TTLL4: variants seen among roughly 807,000 people sequenced by gnomAD.
The protein encoded by TTLL4 is tubulin monoglutamylase TTLL4.
A neutral mutation model predicts 122.7 loss-of-function variants in TTLL4; 85 were observed. The observed-to-expected ratio is 0.69, with a 90% CI of 0.58 to 0.83. The LOEUF is 0.83. Among genes scored for constraint, TTLL4 ranks in the 40% least tolerant of loss-of-function variants. The probability of loss-of-function intolerance (pLI) is 0.00; values close to 1 mark genes in which losing one functional copy is unlikely to be tolerated. For missense variants in TTLL4, 1,363 were observed against 1,488.6 expected (o/e 0.92, Z 1.39); for synonymous variants, 553 against 563.0 (o/e 0.98, Z 0.25).
At chr2:218,712,978 T>C (rs1941757206) in intron 1 of TTLL4, among the ~76,000 whole-genome samples, 1 of 152,250 alleles carries the variant, frequency 6.6e-6, no homozygotes, top group African/African-American at 2.4e-5. Context: ...GTAACGGGAA[T>C]GTCTTTTGGG....
intron 2 of TTLL4, among the ~76,000 whole-genome samples, chr2:218,732,518 T>G (rs939732153): frequency 6.6e-6 from 1 of 152,178 alleles, no homozygotes; most frequent in Non-Finnish European, 1.5e-5. Flanking sequence ...TTGATGACTT[T>G]GCTGAAAATT....
At position 218,737,854 on chromosome 2, in the gene TTLL4, G is replaced by A; in HGVS notation, c.178G>A (p.Val60Met). The A allele has an allele frequency of 1.2e-6, 2 of 1,614,266 alleles. No homozygotes were observed. Among genetic ancestry groups the A allele is most frequent in the Non-Finnish European group, 1.7e-6 (2 of 1,180,044 alleles). ...KPIWKLEKKQ[V>M]ETLSAGLGPG... Reference sequence around the variant, plus strand: ...AATCTGGAAGCTGGAAAAGAAGCAAGTGGAGACACTGTCAGCAGGGTTGGG... The same window carrying A: ...AATCTGGAAGCTGGAAAAGAAGCAAATGGAGACACTGTCAGCAGGGTTGGG... The change falls in exon 3 of 20, where the codon GTG becomes ATG. Residue 60 changes from valine to methionine, a missense_variant. Val to Met is a conservative substitution (Grantham distance 21). Around this residue, in one of 3 missense-constraint regions of TTLL4, gnomAD observed 760 missense variants for 808.4 expected, o/e 0.94. Transcript: ENST00000392102.
chr2:218,729,621 T>C (rs1485325529), intron 2 of TTLL4, among the ~76,000 whole-genome samples: 2 of 152,220 alleles, frequency 1.3e-5, no homozygotes, highest in African/African-American at 4.8e-5. Flanking sequence ...TTGTTGCTAG[T>C]ATGTAGAACT....
intron 16 of TTLL4, 89 bp from the exon 17 acceptor site, chr2:218,752,674 G>T: frequency 7.1e-7 from 1 of 1,409,190 alleles, no homozygotes; most frequent in East Asian, 2.3e-5. Flanking sequence ...GGACCCCAGG[G>T]GTGTGCTCCC....
chr2:218,737,468 G>A, intron 2 of TTLL4, 111 bp from the exon 3 acceptor site: 1 of 520,326 alleles, frequency 1.9e-6, no homozygotes, highest in Non-Finnish European at 3.3e-6. Flanking sequence ...GACCAAGACT[G>A]GTTGCCCAAA....
At position 218,739,170 on chromosome 2, in the gene TTLL4, T is replaced by C; in HGVS notation, c.1487+7T>C. The C allele has an allele frequency of 6.2e-7, 1 of 1,605,486 alleles. No individual in the cohort carries two copies. The highest frequency in any genetic ancestry group is 1.1e-5 in the South Asian group (1 of 90,654). ...CATCTGATAGGGATATTAGGTATGT[T>C]GGCAATGTTTTTGGTTCATTTAGAG... On this transcript the variant is annotated splice_region_variant and intron_variant, in intron 3 of 19. Coordinates refer to ENST00000392102, the MANE Select transcript of TTLL4 (RefSeq NM_014640.5).
chr2:218,742,222 AGCC>A (rs1162527467), intron 5 of TTLL4, among the ~76,000 whole-genome samples: 4 of 152,192 alleles, frequency 2.6e-5, no homozygotes, highest in African/African-American at 9.7e-5. Flanking sequence ...CTCTTGCTTT[AGCC>A]TCCCAAAGCA....
intron 2 of TTLL4, among the ~76,000 whole-genome samples, chr2:218,727,751 A>C (rs1351683256): frequency 2.0e-5 from 3 of 152,166 alleles, no homozygotes; most frequent in African/African-American, 7.2e-5. Context: ...GTCTCAAAAA[A>C]AAACAAACAA....
chr2:218,740,816 G>A (rs148485526), intron 5 of TTLL4, among the ~76,000 whole-genome samples: 189 of 152,254 alleles, frequency 1.2e-3, no homozygotes, highest in African/African-American at 4.4e-3. Flanking sequence ...GCTCACACCT[G>A]TAACCCCAGC....
intron 16 of TTLL4, 81 bp downstream of exon 16, chr2:218,751,887 C>CTTTT (rs72027596): frequency 0.01 from 4,664 of 454,152 alleles, 26 homozygotes; most frequent in Non-Finnish European, 0.013. Flanking sequence ...AACAGCTTTT[C>CTTTT]TTTTTTTTTT....
At chr2:218,728,950 G>C (rs530001263) in intron 2 of TTLL4, among the ~76,000 whole-genome samples, 70 of 148,880 alleles carry the variant, frequency 4.7e-4, no homozygotes, top group African/African-American at 1.3e-3. Context: ...TTGGCGGGGG[G>C]GGGCATAGTT....
rs369333928 is a variant in TTLL4 at position 218,746,151 on chromosome 2, A to G, written c.1898-4A>G. On this transcript the variant is annotated splice_region_variant and splice_polypyrimidine_tract_variant and intron_variant, in intron 7 of 19. Coordinates refer to ENST00000392102, the MANE Select transcript of TTLL4 (RefSeq NM_014640.5). ...AAGGCTGATTCCTGATGTACCTCCC[A>G]TAGGAAACGATGACTGGCTGGGCTG... 127 of 1,614,034 alleles carry G rather than the reference A, an allele frequency of 7.9e-5. No homozygotes were observed. The highest frequency in any genetic ancestry group is 1.0e-4 in the Non-Finnish European group (123 of 1,180,038).
chr2:218,727,478 A>G (rs1575164012), intron 2 of TTLL4, 131 bp downstream of exon 2: 1 of 152,106 alleles, frequency 6.6e-6, no homozygotes, highest in African/African-American at 2.4e-5. Context: ...AAGTTTCCTT[A>G]TAACTGCTAT....
intron 1 of TTLL4, among the ~76,000 whole-genome samples, chr2:218,721,845 A>T (rs1476438006): frequency 6.6e-6 from 1 of 152,210 alleles, no homozygotes; most frequent in African/African-American, 2.4e-5. Flanking sequence ...TAAAATAGCC[A>T]GGCCCAGTGG....
chr2:218,758,623 A>G (rs555642034), downstream of TTLL4, among the ~76,000 whole-genome samples: 8 of 152,356 alleles, frequency 5.3e-5, no homozygotes, highest in African/African-American at 1.7e-4. Context: ...ATTAGCAGTC[A>G]GAGAAGAGCA....
intron 15 of TTLL4, among the ~76,000 whole-genome samples, chr2:218,750,766 T>A (rs979035806): frequency 1.6e-4 from 24 of 152,114 alleles, no homozygotes; most frequent in African/African-American, 5.8e-4. Flanking sequence ...GCTTATGGAG[T>A]TTCTCCCTCC....
At chr2:218,727,776 T>C (rs1210661739) in intron 2 of TTLL4, among the ~76,000 whole-genome samples, 3 of 152,270 alleles carry the variant, frequency 2.0e-5, no homozygotes. Context: ...ACCCTGCTAT[T>C]CTGAGTTCCT....
chr2:218,715,523 G>C (rs1452592866), intron 1 of TTLL4, among the ~76,000 whole-genome samples: 2 of 152,188 alleles, frequency 1.3e-5, no homozygotes, highest in African/African-American at 4.8e-5. Flanking sequence ...AACCTGAACA[G>C]CATGTCACCA....
chr2:218,734,260 C>T (rs1205939568), intron 2 of TTLL4, among the ~76,000 whole-genome samples: 1 of 152,160 alleles, frequency 6.6e-6, no homozygotes, highest in African/African-American at 2.4e-5. Flanking sequence ...AAATGCCTAG[C>T]ATGGTACCAG....
Sources: gnomAD v4.1 joint callset for allele counts (sites outside exome capture counted in the v4.1 genomes callset) on GRCh38, gnomAD v4.1.1 for gene constraint, gnomAD v4.1.1 regional missense constraint, MANE v1.5 for transcripts, NCBI Gene and HGNC (gene_info 2026-07-23, HGNC 2026-07-21) for gene names.